OSR2: variants seen among roughly 807,000 people sequenced by gnomAD.
OSR2 encodes the protein protein odd-skipped-related 2.
OSR2 carries 8 observed loss-of-function variants against 22.3 expected under a neutral mutation model. That is an observed-to-expected ratio of 0.36 (90% CI 0.21 to 0.65). OSR2 has a LOEUF of 0.65. Ranked by LOEUF, OSR2 falls within the 30% of genes least tolerant of loss-of-function variation. The pLI, the probability that OSR2 is intolerant of heterozygous loss-of-function variation, is 0.66. For missense variants in OSR2, 311 were observed against 413.4 expected, an observed-to-expected ratio of 0.75 and a Z score of 2.15; for synonymous variants, 179 against 173.8, an observed-to-expected ratio of 1.03 and a Z score of -0.23.
At position 98,948,183 on chromosome 8, in the gene OSR2, G is replaced by C; in HGVS notation, c.-114-656G>C. 7.1e-7 allele frequency: 1 copy of C among 1,412,292 alleles called. No homozygotes were observed. Among genetic ancestry groups the C allele is most frequent in the Non-Finnish European group, 9.2e-7 (1 of 1,086,726 alleles). The allele number at this position is 1,412,292 out of a possible 1,614,324, so 87.5% of individuals were successfully genotyped here. The stretch of plus-strand genomic sequence containing the variant: ...CGTCACCGCTGATAGATGGGGCTGA[G>C]GGCAGAGGAAGGAAAAAGAAAACCT... On this transcript the variant is annotated intron_variant, in intron 1 of 3. Transcript: ENST00000297565. The surrounding 1 kb of genome is among the most constrained non-coding windows in gnomAD (Gnocchi z 6.0).
intron 1 of OSR2, among the ~76,000 whole-genome samples, chr8:98,945,764 A>T (rs1476068021): frequency 6.6e-6 from 1 of 151,864 alleles, no homozygotes; most frequent in South Asian, 2.1e-4. Flanking sequence ...TCCTTTAACA[A>T]TTTTTTTTCT....
Position 98,948,313 on chromosome 8 carries a change from G to A in OSR2, c.-114-526G>A, listed in dbSNP as rs1014818808. ...GCACGCCGGCTTGCCATCCGGGTAA[G>A]CGCGGGAAAGGCGGCCACAGGGCGC... On this transcript the variant is annotated intron_variant, in intron 1 of 3. Transcript: ENST00000297565. The surrounding 1 kb of genome is among the most constrained non-coding windows in gnomAD (Gnocchi z 6.0). The A allele has an allele frequency of 4.6e-6, 7 of 1,524,904 alleles. No individual in the cohort carries two copies. In the African/African-American group the frequency reaches 5.5e-5, roughly 12 times the overall value. The allele number at this position is 1,524,904 out of a possible 1,614,324, so 94.5% of individuals were successfully genotyped here.
At chr8:98,946,394 TG>T (rs1840615746) in intron 1 of OSR2, 3 of 152,336 alleles carry the variant, frequency 2.0e-5, no homozygotes, top group Admixed American at 2.0e-4. Context: ...AGCAACTCAA[TG>T]GGAGTGTGGA....
chr8:98,947,502 C>T (rs1310534617), intron 1 of OSR2, among the ~76,000 whole-genome samples: 3 of 152,176 alleles, frequency 2.0e-5, no homozygotes, highest in African/African-American at 2.4e-5. Context: ...AAACGTGACT[C>T]CTACACCTGG....
chr8:98,951,065 T>C, intron 3 of OSR2: 1 of 551,266 alleles, frequency 1.8e-6, no homozygotes, highest in South Asian at 2.6e-5. Flanking sequence ...ATTTTGATAA[T>C]GGAGGCATAG....
In OSR2 at chr8:98,948,084, GC is replaced by G. The variant is rs1272558771; in HGVS notation, c.-114-752del. ...ATCTTAGTCGGGGGTTGGGAGGAGA[GC>G]CCGTGGATAGGAGGAGGGGGCGATT... On this transcript the variant is annotated intron_variant, in intron 1 of 3. Transcript: ENST00000297565. The surrounding 1 kb of genome is among the most constrained non-coding windows in gnomAD (Gnocchi z 6.0). The G allele has an allele frequency of 1.5e-6, 2 of 1,335,362 alleles. No homozygotes were observed. The highest frequency in any genetic ancestry group is 6.0e-5 in the East Asian group (2 of 33,286). The allele number at this position is 1,335,362 out of a possible 1,614,324, so 82.7% of individuals were successfully genotyped here.
In OSR2 at chr8:98,951,630, G is replaced by A. The variant is rs746351171; in HGVS notation, c.868G>A (p.Gly290Ser). 2.5e-6 allele frequency: 4 copies of A among 1,613,866 alleles called. No individual in the cohort carries two copies. The highest frequency in any genetic ancestry group is 1.3e-5 in the African/African-American group (1 of 74,910). Residue 290 changes from glycine to serine, a missense_variant, in exon 4 of 4, where the codon GGC (glycine) becomes AGC (serine). By Grantham distance (56) the Gly-to-Ser change is moderately conservative. Transcript: ENST00000297565. The stretch of plus-strand genomic sequence containing the variant: ...CAAGCCCTACAGCTGCGAGCAGTGC[G>A]GCAAAGTGTTCAGGCGAAACTGTGA... ...DIKPYSCEQC[G>S]KVFRRNCDLR... is the part of the protein sequence containing the mutation.
At position 98,948,735 on chromosome 8, in the gene OSR2, G is replaced by T; in HGVS notation, c.-114-104G>T. 1 of 1,344,228 alleles carries T rather than the reference G, an allele frequency of 7.4e-7. No homozygotes were observed. Among genetic ancestry groups the T allele is most frequent in the East Asian group, 2.5e-5 (1 of 39,578 alleles). The allele number at this position is 1,344,228 out of a possible 1,614,324, so 83.3% of individuals were successfully genotyped here. The stretch of plus-strand genomic sequence containing the variant: ...TTTCGGGGGGTCTTGGAGTCGGGTG[G>T]GGAGGGAGACTTAGGTGTGGTAACC... On this transcript the variant is annotated intron_variant, in intron 1 of 3. Transcript: ENST00000297565. This position sits in a 1 kb window ranked among gnomAD's most constrained non-coding sequence, Gnocchi z 6.0.
In OSR2 at chr8:98,948,680, T is replaced by A; in HGVS notation, c.-114-159T>A. Reference sequence around the variant, plus strand: ...TGATCTGCACGCGGACTTGAGCAGGTGCCAAGGTGCCACGCAGTCCCCTCA... The same window carrying A: ...TGATCTGCACGCGGACTTGAGCAGGAGCCAAGGTGCCACGCAGTCCCCTCA... On this transcript the variant is annotated intron_variant, in intron 1 of 3. Transcript: ENST00000297565. The surrounding 1 kb of genome is among the most constrained non-coding windows in gnomAD (Gnocchi z 6.0). 6 of 1,030,026 alleles carry A rather than the reference T, an allele frequency of 5.8e-6. No individual in the cohort carries two copies. In the South Asian group the frequency reaches 1.0e-4, roughly 18 times the overall value. 63.8% of individuals were successfully genotyped at this position (1,030,026 alleles called of 1,614,324 possible).
chr8:98,950,224 G>A (rs992057757), intron 2 of OSR2, among the ~76,000 whole-genome samples: 7 of 152,070 alleles, frequency 4.6e-5, no homozygotes, highest in Non-Finnish European at 8.8e-5. Flanking sequence ...CCTTTTTAGC[G>A]GTATCTTTTC....
In OSR2 at chr8:98,948,768, G is replaced by A; in HGVS notation, c.-114-71G>A. The A allele has an allele frequency of 6.9e-7, 1 of 1,447,124 alleles. No homozygotes were observed. The highest frequency in any genetic ancestry group is 1.4e-5 in the African/African-American group (1 of 70,542). The allele number at this position is 1,447,124 out of a possible 1,614,324, so 89.6% of individuals were successfully genotyped here. A position where few individuals can be genotyped will look rare whatever the true frequency, so the allele number is the denominator to read the frequency against. Reference sequence around the variant, plus strand: ...GACTTAGGTGTGGTAACCTGCGCAGGTGCCAAAGGGCAGAAGGAGCAGCCT... The same window carrying A: ...GACTTAGGTGTGGTAACCTGCGCAGATGCCAAAGGGCAGAAGGAGCAGCCT... On this transcript the variant is annotated intron_variant, in intron 1 of 3. Transcript: ENST00000297565. This position sits in a 1 kb window ranked among gnomAD's most constrained non-coding sequence, Gnocchi z 6.0.
intron 3 of OSR2, among the ~76,000 whole-genome samples, chr8:98,951,249 A>G (rs921622716): frequency 1.3e-5 from 2 of 152,192 alleles, no homozygotes; most frequent in Non-Finnish European, 2.9e-5. Context: ...CATGGTGATG[A>G]AATGTGAAGA....
At position 98,949,634 on chromosome 8, in the gene OSR2, G is replaced by A. The variant is rs1840725589; in HGVS notation, c.656+26G>A. On this transcript the variant is annotated intron_variant, in intron 2 of 3. Coordinates refer to ENST00000297565, the MANE Select transcript of OSR2 (RefSeq NM_001142462.3). The surrounding 1 kb of genome is among the most constrained non-coding windows in gnomAD (Gnocchi z 5.9). ...GTGAGGCGGGCAAGGAGGATGGCTG[G>A]GAGAGGGAAAGCGAATTTGTCCTGG... The A allele has an allele frequency of 6.3e-7, 1 of 1,589,564 alleles. No homozygotes were observed. The highest frequency in any genetic ancestry group is 8.6e-7 in the Non-Finnish European group (1 of 1,166,460).
In OSR2 at chr8:98,948,345, A is replaced by C; in HGVS notation, c.-114-494A>C. 6.6e-7 allele frequency: 1 copy of C among 1,521,818 alleles called. No individual in the cohort carries two copies. Among genetic ancestry groups the C allele is most frequent in the Non-Finnish European group, 8.8e-7 (1 of 1,138,470 alleles). 94.3% of individuals were successfully genotyped at this position (1,521,818 alleles called of 1,614,324 possible). A position where few individuals can be genotyped will look rare whatever the true frequency, so the allele number is the denominator to read the frequency against. ...AAAGGCGGCCACAGGGCGCGGCGGC[A>C]GCGCAGCGCGTGGGATCTCACGACC... On this transcript the variant is annotated intron_variant, in intron 1 of 3. Coordinates refer to ENST00000297565, the MANE Select transcript of OSR2 (RefSeq NM_001142462.3). The surrounding 1 kb of genome is among the most constrained non-coding windows in gnomAD (Gnocchi z 6.0).
At position 98,948,488 on chromosome 8, in the gene OSR2, GTGGGCTGGGCTGGGC is replaced by G. The variant is rs1193886532; in HGVS notation, c.-114-336_-114-322del. The stretch of plus-strand genomic sequence containing the variant: ...GCTTCGCCTAACAGGCTTGGGGAGG[GTGGGCTGGGCTGGGC>G]TGGGCTGGGCTGGGTGCTGCCCGGC... On this transcript the variant is annotated intron_variant, in intron 1 of 3. Transcript: ENST00000297565. This position sits in a 1 kb window ranked among gnomAD's most constrained non-coding sequence, Gnocchi z 6.0. The G allele has an allele frequency of 7.2e-5, 93 of 1,296,814 alleles. 1 individual carries two copies. In the African/African-American group the frequency reaches 1.3e-3, roughly 18 times the overall value. The allele number at this position is 1,296,814 out of a possible 1,614,324, so 80.3% of individuals were successfully genotyped here.
In OSR2 at chr8:98,948,485, AGGGTGGGCTG is replaced by A; in HGVS notation, c.-114-351_-114-342del. 1 of 19,556 alleles carries A rather than the reference AGGGTGGGCTG, an allele frequency of 5.1e-5. No homozygotes were observed. The highest frequency in any genetic ancestry group is 1.5e-3 in the African/African-American group (1 of 654). 1.2% of individuals were successfully genotyped at this position (19,556 alleles called of 1,614,324 possible). On this transcript the variant is annotated intron_variant, in intron 1 of 3. Transcript: ENST00000297565. This position sits in a 1 kb window ranked among gnomAD's most constrained non-coding sequence, Gnocchi z 6.0. ...TGAGCTTCGCCTAACAGGCTTGGGG[AGGGTGGGCTG>A]GGCTGGGCTGGGCTGGGCTGGGTGC... is the stretch of plus-strand genomic sequence containing the variant.
chr8:98,948,514 T>A lies in OSR2; in HGVS notation c.-114-325T>A. ...TGGGCTGGGCTGGGCTGGGCTGGGC[T>A]GGGTGCTGCCCGGCTGTCCGCCTTT... On this transcript the variant is annotated intron_variant, in intron 1 of 3. Coordinates refer to ENST00000297565, the MANE Select transcript of OSR2 (RefSeq NM_001142462.3). This position sits in a 1 kb window ranked among gnomAD's most constrained non-coding sequence, Gnocchi z 6.0. 7.9e-7 allele frequency: 1 copy of A among 1,270,762 alleles called. No individual in the cohort carries two copies. The highest frequency in any genetic ancestry group is 1.0e-6 in the Non-Finnish European group (1 of 961,668). The allele number at this position is 1,270,762 out of a possible 1,614,324, so 78.7% of individuals were successfully genotyped here.
chr8:98,948,977 C>T lies in OSR2; in HGVS notation c.25C>T (p.Pro9Ser), dbSNP rs1284390401. 1.9e-6 allele frequency: 3 copies of T among 1,613,862 alleles called. No individual in the cohort carries two copies. The highest frequency in any genetic ancestry group is 1.7e-6 in the Non-Finnish European group (2 of 1,179,904). Residue 9 changes from proline to serine, a missense_variant, in exon 2 of 4, where the codon CCC becomes TCC. By Grantham distance (74) the Pro-to-Ser change is moderately conservative. Transcript: ENST00000297565. This position sits in a 1 kb window ranked among gnomAD's most constrained non-coding sequence, Gnocchi z 6.0. Reference sequence around the variant, plus strand: ...AATGGGGAGCAAGGCTCTGCCAGCGCCCATCCCGCTCCACCCGTCGCTGCA... The same window carrying T: ...AATGGGGAGCAAGGCTCTGCCAGCGTCCATCCCGCTCCACCCGTCGCTGCA... MGSKALPA[P>S]IPLHPSLQLT...
intron 2 of OSR2, 69 bp from the exon 3 acceptor site, chr8:98,950,586 AG>A (rs1840754714): frequency 1.1e-6 from 1 of 917,644 alleles, no homozygotes. Flanking sequence ...CTTCCTTTTA[AG>A]TAATTGCTAA....
Sources: allele counts gnomAD v4.1 joint callset (sites outside exome capture counted in the v4.1 genomes callset), GRCh38; gene constraint gnomAD v4.1.1; non-coding constraint Gnocchi (gnomAD v3.1); transcripts MANE v1.5; gene names NCBI Gene and HGNC (gene_info 2026-07-23, HGNC 2026-07-21).